SLC10A2: variants seen among roughly 807,000 people sequenced by gnomAD.
SLC10A2 encodes the protein ileal sodium/bile acid cotransporter.
Under a neutral mutation model 27.1 loss-of-function variants are expected in SLC10A2, and 34 were observed. The ratio of observed to expected loss-of-function variants is 1.26; its 90% CI spans 0.96 to 1.67. The LOEUF is 1.67. Ranked by LOEUF, SLC10A2 falls within the 40% of genes most tolerant of loss-of-function variation. SLC10A2 has a pLI of 0.00. For missense variants in SLC10A2, 530 were observed against 444.4 expected (o/e 1.19, Z -1.73); for synonymous variants, 205 against 174.0 (o/e 1.18, Z -1.40).
At position 103,044,322 on chromosome 13, in the gene SLC10A2, C is replaced by G. The variant is rs1176116549; in HGVS notation, c.*1811G>C. 1 of 152,106 alleles carries G rather than the reference C, an allele frequency of 6.6e-6. No individual in the cohort carries two copies. The highest frequency in any genetic ancestry group is 1.5e-5 in the Non-Finnish European group (1 of 68,040). The allele number at this position is 152,106 out of a possible 1,614,324, so 9.4% of individuals were successfully genotyped here. ...GTGTGTTGAAATTACAAGAGGAGTT[C>G]TCAGGGTCCCTTTAGTGTACCTGTC... On this transcript the variant is annotated 3_prime_UTR_variant, in exon 6 of 6. Coordinates refer to ENST00000245312, the MANE Select transcript of SLC10A2 (RefSeq NM_000452.3).
chr13:103,063,962 C>T (rs1173442515), intron 1 of SLC10A2, among the ~76,000 whole-genome samples: 1 of 152,194 alleles, frequency 6.6e-6, no homozygotes, highest in Non-Finnish European at 1.5e-5. Flanking sequence ...TTCTCTTTTG[C>T]CCTTCCTAAC....
At chr13:103,047,082 C>T (rs908311519) in intron 5 of SLC10A2, among the ~76,000 whole-genome samples, 1 of 152,078 alleles carries the variant, frequency 6.6e-6, no homozygotes, top group African/African-American at 2.4e-5. Flanking sequence ...CTTATAGGAC[C>T]CCTCGAATTC....
At chr13:103,051,148 T>A (rs1875764591) in intron 4 of SLC10A2, 109 bp downstream of exon 4, 1 of 1,049,822 alleles carries the variant, frequency 9.5e-7, no homozygotes, top group Non-Finnish European at 1.5e-6. Context: ...AATAAGTGTC[T>A]GTTGTTTAAG....
intron 1 of SLC10A2, among the ~76,000 whole-genome samples, chr13:103,060,511 G>A (rs1876084122): frequency 6.6e-6 from 1 of 151,650 alleles, no homozygotes; most frequent in Non-Finnish European, 1.5e-5. Context: ...GAGTAGCTGG[G>A]AATACAGGCA....
At chr13:103,063,096 T>C (rs566079555) in intron 1 of SLC10A2, among the ~76,000 whole-genome samples, 61 of 152,294 alleles carry the variant, frequency 4.0e-4, no homozygotes, top group Admixed American at 1.2e-3. Flanking sequence ...CAGCTGCAAC[T>C]TAGGTGAAAA....
rs1446307653 is a variant in SLC10A2, at chr13:103,052,647, C to T, written c.558G>A (p.Trp186Ter). Residue 186 changes from tryptophan (W) to a stop codon, truncating the protein, a stop_gained, in exon 3 of 6, where the codon TGG (tryptophan) becomes TGA (stop). Transcript: ENST00000245312. LOFTEE classifies it high-confidence loss of function. ...VSIGMFVNHK[W>*]PQKAKIILKI... ...TAAGTATGATCTTTGCTTTTTGGGG[C>T]CATTTGTGATTAACAAACATTCCAA... 2 of 1,611,286 alleles carry T rather than the reference C, an allele frequency of 1.2e-6. No homozygotes were observed. Among genetic ancestry groups the T allele is most frequent in the African/African-American group, 2.7e-5 (2 of 74,750 alleles).
intron 5 of SLC10A2, 30 bp from the exon 6 acceptor site, chr13:103,046,290 A>C: frequency 6.4e-7 from 1 of 1,555,484 alleles, no homozygotes; most frequent in Non-Finnish European, 8.8e-7. Flanking sequence ...CAGTTAAGTA[A>C]ATTTTATAAT....
intron 2 of SLC10A2, among the ~76,000 whole-genome samples, chr13:103,055,626 G>T (rs74383739): frequency 2.6e-4 from 40 of 152,252 alleles, no homozygotes; most frequent in African/African-American, 9.1e-4. Flanking sequence ...GGTGAGCAGG[G>T]TTAATATCTG....
chr13:103,048,228 A>G (rs1337262968), intron 5 of SLC10A2, among the ~76,000 whole-genome samples: 1 of 152,058 alleles, frequency 6.6e-6, no homozygotes, highest in Non-Finnish European at 1.5e-5. Flanking sequence ...TCTACTAAAA[A>G]TACAAAAACA....
intron 4 of SLC10A2, among the ~76,000 whole-genome samples, 177 bp from the exon 5 acceptor site, chr13:103,049,623 G>T (rs1368590058): frequency 6.6e-6 from 1 of 152,042 alleles, no homozygotes; most frequent in Non-Finnish European, 1.5e-5. Context: ...ACTTATTAAT[G>T]TATATTATAC....
At position 103,049,356 on chromosome 13, in the gene SLC10A2, A is replaced by G; in HGVS notation, c.852T>C (p.Asn284=). The G allele has an allele frequency of 6.2e-7, 1 of 1,614,060 alleles. No homozygotes were observed. Among genetic ancestry groups the G allele is most frequent in the South Asian group, 1.1e-5 (1 of 91,080 alleles). Residue 284 remains asparagine, a synonymous_variant, in exon 5 of 6, where the codon AAT becomes AAC. Coordinates refer to ENST00000245312, the MANE Select transcript of SLC10A2 (RefSeq NM_000452.3). ...AGATGAGCGGGAAGGTGAATACGAC[A>G]TTGAGCTCCTCAGGAGTGAAGGAGA... ...VQLSFTPEEL[N]VVFTFPLIYS...
chr13:103,046,280 C>T lies in SLC10A2; in HGVS notation c.920-20G>A, dbSNP rs279940. 0.87 allele frequency: 1,390,454 copies of T among 1,593,310 alleles called. 608,254 individuals carry two copies. Among genetic ancestry groups the T allele is most frequent in the African/African-American group, 0.93 (69,044 of 74,458 alleles). ...CATAAACTAGAAAACAATACACAGA[C>T]AGTTAAGTAAATTTTATAATAATAA... On this transcript the variant is annotated intron_variant, in intron 5 of 5. Transcript: ENST00000245312.
At chr13:103,057,839 C>G (rs924079213) in intron 2 of SLC10A2, among the ~76,000 whole-genome samples, 5 of 151,780 alleles carry the variant, frequency 3.3e-5, no homozygotes, top group African/African-American at 1.2e-4. Context: ...AGATCACGCC[C>G]CTGCACTCCA....
At chr13:103,050,505 G>A (rs764144005) in intron 4 of SLC10A2, among the ~76,000 whole-genome samples, 1 of 152,200 alleles carries the variant, frequency 6.6e-6, no homozygotes, top group Non-Finnish European at 1.5e-5. Flanking sequence ...TTTGGAGGAT[G>A]AGCTCACCCT....
intron 1 of SLC10A2, among the ~76,000 whole-genome samples, chr13:103,061,901 C>G (rs1027123981): frequency 4.6e-5 from 7 of 151,944 alleles, no homozygotes; most frequent in Middle Eastern, 3.4e-3. Flanking sequence ...TATTATCTTA[C>G]ACGAAAAAAT....
At chr13:103,058,556 A>G (rs1876010368) in intron 1 of SLC10A2, among the ~76,000 whole-genome samples, 174 bp from the exon 2 acceptor site, 1 of 152,150 alleles carries the variant, frequency 6.6e-6, no homozygotes, top group Non-Finnish European at 1.5e-5. Flanking sequence ...TTCATTGCCT[A>G]GGTATTAAGC....
At position 103,045,998 on chromosome 13, in the gene SLC10A2, A is replaced by G; in HGVS notation, c.*135T>C. 9.8e-7 allele frequency: 1 copy of G among 1,019,622 alleles called. No individual in the cohort carries two copies. Among genetic ancestry groups the G allele is most frequent in the Non-Finnish European group, 1.5e-6 (1 of 670,218 alleles). The allele number at this position is 1,019,622 out of a possible 1,614,324, so 63.2% of individuals were successfully genotyped here. On this transcript the variant is annotated 3_prime_UTR_variant, in exon 6 of 6. Coordinates refer to ENST00000245312, the MANE Select transcript of SLC10A2 (RefSeq NM_000452.3). ...CCACCAGTCACTTGGTACTGAAACCAATACATGAATTCCAATGAAATTCCA... is the reference window on the plus strand; with the variant it reads ...CCACCAGTCACTTGGTACTGAAACCGATACATGAATTCCAATGAAATTCCA...
At chr13:103,052,576 A>G (rs1438501195) in intron 3 of SLC10A2, 44 bp downstream of exon 3, 9 of 1,318,298 alleles carry the variant, frequency 6.8e-6, no homozygotes, top group Non-Finnish European at 9.9e-6. Flanking sequence ...TATGGTTTTG[A>G]TTGTCACAGT....
intron 4 of SLC10A2, among the ~76,000 whole-genome samples, chr13:103,050,560 T>A (rs1236044149): frequency 1.3e-5 from 2 of 152,226 alleles, no homozygotes; most frequent in Non-Finnish European, 2.9e-5. Flanking sequence ...GCAGCCCAAC[T>A]GCTTTCATTA....
Sources: gnomAD v4.1 joint callset for allele counts (sites outside exome capture counted in the v4.1 genomes callset) on GRCh38, gnomAD v4.1.1 for gene constraint, MANE v1.5 for transcripts, NCBI Gene and HGNC (gene_info 2026-07-23, HGNC 2026-07-21) for gene names.